Variants in RAB11FIP4 observed in about 807,000 individuals in gnomAD.
RAB11FIP4 encodes rab11 family-interacting protein 4.
In RAB11FIP4, 23 loss-of-function variants were observed where a neutral mutation model predicts 74.3. The observed-to-expected ratio is 0.31, with a 90% CI of 0.22 to 0.44. RAB11FIP4 has a LOEUF of 0.44. Among genes scored for constraint, RAB11FIP4 ranks in the 20% least tolerant of loss-of-function variants. The probability of loss-of-function intolerance (pLI) is 1.00; values close to 1 mark genes in which losing one functional copy is unlikely to be tolerated. For missense variants in RAB11FIP4, 630 were observed against 863.9 expected (o/e 0.73, Z 3.39); for synonymous variants, 360 against 359.9 (o/e 1.00, Z 0.00).
chr17:31,525,312 T>C, intron 10 of RAB11FIP4, 82 bp downstream of exon 10: 1 of 1,372,042 alleles, frequency 7.3e-7, no homozygotes, highest in Non-Finnish European at 9.8e-7. Context: ...TATCCCCATT[T>C]TATAGATGGG....
At position 31,537,959 on chromosome 17, in the gene RAB11FIP4, G is replaced by T. The variant is rs1382992468; in HGVS notation, c.*6227G>T. The T allele has an allele frequency of 6.6e-6, 1 of 152,658 alleles. No individual in the cohort carries two copies. Among genetic ancestry groups the T allele is most frequent in the Admixed American group, 6.5e-5 (1 of 15,278 alleles). The allele number at this position is 152,658 out of a possible 1,614,324, so 9.5% of individuals were successfully genotyped here. A position where few individuals can be genotyped will look rare whatever the true frequency, so the allele number is the denominator to read the frequency against. ...GGTTTGTTAGATGGCCTCTGACTCT[G>T]TGGGATTCAACTTGACTTTTTTGCC... is the stretch of plus-strand genomic sequence containing the variant. On this transcript the variant is annotated 3_prime_UTR_variant, in exon 15 of 15. Coordinates refer to ENST00000621161, the MANE Select transcript of RAB11FIP4 (RefSeq NM_032932.6).
chr17:31,511,007 T>G (rs574826532), intron 3 of RAB11FIP4, among the ~76,000 whole-genome samples: 7 of 152,134 alleles, frequency 4.6e-5, no homozygotes, highest in East Asian at 1.9e-4. Flanking sequence ...TTTTTTTGTT[T>G]TTGTTGTTGT....
At chr17:31,444,469 G>A (rs1021997762) in intron 3 of RAB11FIP4, among the ~76,000 whole-genome samples, 2 of 152,078 alleles carry the variant, frequency 1.3e-5, no homozygotes, top group Non-Finnish European at 1.5e-5. Context: ...CAAAGGTGGC[G>A]GGGATGGAAG....
At chr17:31,400,655 G>GC (rs2070976480) in intron 1 of RAB11FIP4, among the ~76,000 whole-genome samples, 1 of 152,224 alleles carries the variant, frequency 6.6e-6, no homozygotes, top group African/African-American at 2.4e-5. Flanking sequence ...AGCAGTGGCT[G>GC]GATCTTGAAA....
intron 1 of RAB11FIP4, among the ~76,000 whole-genome samples, chr17:31,419,842 G>A (rs768194757): frequency 3.3e-5 from 5 of 152,080 alleles, no homozygotes; most frequent in Non-Finnish European, 2.9e-5. Context: ...GAGCCACTGC[G>A]CCCAGCAGGT....
At chr17:31,522,119 G>C in intron 6 of RAB11FIP4, 70 bp downstream of exon 6, 1 of 1,594,542 alleles carries the variant, frequency 6.3e-7, no homozygotes, top group South Asian at 1.1e-5. Context: ...GAGAAGCTAC[G>C]GGCATGGCGA....
At chr17:31,432,484 G>A (rs542202738) in intron 2 of RAB11FIP4, among the ~76,000 whole-genome samples, 2 of 151,502 alleles carry the variant, frequency 1.3e-5, no homozygotes, top group Non-Finnish European at 2.9e-5. Flanking sequence ...TCAGCCTCCT[G>A]AGTAGCTGAG....
At chr17:31,457,437 C>G (rs992670068) in intron 3 of RAB11FIP4, among the ~76,000 whole-genome samples, 1 of 152,074 alleles carries the variant, frequency 6.6e-6, no homozygotes, top group Admixed American at 6.5e-5. Flanking sequence ...TCCTCTCCTT[C>G]TCCTCAAAGG....
At chr17:31,510,460 C>T (rs968767108) in intron 3 of RAB11FIP4, among the ~76,000 whole-genome samples, 2 of 152,232 alleles carry the variant, frequency 1.3e-5, no homozygotes, top group African/African-American at 4.8e-5. Flanking sequence ...GCTATTTTTA[C>T]CCTGCCTTGT....
intron 3 of RAB11FIP4, among the ~76,000 whole-genome samples, chr17:31,484,324 G>C (rs1346487268): frequency 6.6e-6 from 1 of 151,834 alleles, no homozygotes; most frequent in African/African-American, 2.4e-5. Flanking sequence ...GCCCGCCTCG[G>C]CCTCCCAAAG....
chr17:31,440,496 C>T (rs558517604), intron 3 of RAB11FIP4, among the ~76,000 whole-genome samples: 11 of 152,196 alleles, frequency 7.2e-5, no homozygotes, highest in Non-Finnish European at 1.6e-4. Context: ...AGGCCAGGTG[C>T]GGTGGCTCAT....
chr17:31,486,979 T>C (rs2071910374), intron 3 of RAB11FIP4, among the ~76,000 whole-genome samples: 1 of 152,122 alleles, frequency 6.6e-6, no homozygotes, highest in Non-Finnish European at 1.5e-5. Flanking sequence ...TGTGTGTGTG[T>C]GCATGTGTGG....
intron 3 of RAB11FIP4, among the ~76,000 whole-genome samples, chr17:31,439,247 G>T (rs2071387366): frequency 6.6e-6 from 1 of 152,242 alleles, no homozygotes; most frequent in Non-Finnish European, 1.5e-5. Flanking sequence ...GAATTGCTGT[G>T]TCAAAGGGTA....
chr17:31,429,482 C>T (rs1349325915), intron 1 of RAB11FIP4, among the ~76,000 whole-genome samples: 1 of 152,172 alleles, frequency 6.6e-6, no homozygotes, highest in African/African-American at 2.4e-5. Context: ...GATTTCTGCC[C>T]AGCCAATGAG....
intron 1 of RAB11FIP4, among the ~76,000 whole-genome samples, chr17:31,425,712 G>A (rs2071242117): frequency 6.6e-6 from 1 of 152,216 alleles, no homozygotes; most frequent in African/African-American, 2.4e-5. Context: ...CAGCAAGCTG[G>A]GGCCCAGCTG....
At chr17:31,491,300 T>A (rs185171458) in intron 3 of RAB11FIP4, among the ~76,000 whole-genome samples, 2 of 152,376 alleles carry the variant, frequency 1.3e-5, no homozygotes, top group East Asian at 1.9e-4. Context: ...ATTCACCAGA[T>A]TCTTCGTTGC....
At chr17:31,458,512 G>A (rs549883367) in intron 3 of RAB11FIP4, among the ~76,000 whole-genome samples, 1 of 152,348 alleles carries the variant, frequency 6.6e-6, no homozygotes, top group East Asian at 1.9e-4. Context: ...GAAGAGGCAG[G>A]TGGCACTGAG....
At chr17:31,433,210 C>T (rs1332418184) in intron 2 of RAB11FIP4, among the ~76,000 whole-genome samples, 5 of 152,168 alleles carry the variant, frequency 3.3e-5, no homozygotes, top group African/African-American at 1.2e-4. Context: ...TAAGGCCTCC[C>T]CACTAGCTGC....
At chr17:31,531,576 C>G (rs757487239) in intron 14 of RAB11FIP4, 40 bp from the exon 15 acceptor site, 1 of 1,405,344 alleles carries the variant, frequency 7.1e-7, no homozygotes, top group Non-Finnish European at 1.0e-6. Context: ...GCACCCTATC[C>G]CAGGCCCAGC....
Sources: gnomAD v4.1 joint callset for allele counts (sites outside exome capture counted in the v4.1 genomes callset) on GRCh38, gnomAD v4.1.1 for gene constraint, MANE v1.5 for transcripts, NCBI Gene and HGNC (gene_info 2026-07-23, HGNC 2026-07-21) for gene names.